IRAG2: variants seen among roughly 807,000 people sequenced by gnomAD.
IRAG2 encodes the protein lymphoid restricted membrane protein.
A neutral mutation model predicts 69.9 loss-of-function variants in IRAG2; 45 were observed. That is an observed-to-expected ratio of 0.64 (90% confidence interval 0.51 to 0.83). The LOEUF (loss-of-function observed/expected upper bound fraction) is 0.83. Ranked by LOEUF, IRAG2 falls within the 40% of genes least tolerant of loss-of-function variation. The pLI is 0.00. For missense variants in IRAG2, 520 were observed against 587.0 expected (o/e 0.89, Z 1.18); for synonymous variants, 193 against 202.4 (o/e 0.95, Z 0.40).
exon 3 of IRAG2, chr12:25,011,469 C>G: frequency 8.1e-7 from 1 of 1,231,598 alleles, no homozygotes; most frequent in South Asian, 4.1e-5. Context: ...CATGCTTGAT[C>G]CTGAGAAGAG....
rs1555138400 is a variant in IRAG2 at position 25,075,521 on chromosome 12, C to CGTGCGTGTGT, written c.25-3720_25-3719insCGTGTGTGTG. 3.6e-5 allele frequency among the ~76,000 whole-genome samples: 5 copies of CGTGCGTGTGT among 139,372 alleles called. No homozygotes were observed. In the East Asian group the frequency reaches 8.7e-4, roughly 24 times the overall value. The allele number at this position is 139,372 out of a possible 152,430, so 91.4% of individuals were successfully genotyped here. ...AATAATATTGCTGTGTGTGTGTATG[C>CGTGCGTGTGT]GTGTGTGTGTGTGTGTGTGTGTGTG... On this transcript the variant is annotated intron_variant, in intron 6 of 21. Coordinates refer to ENST00000556887, the MANE Select transcript of IRAG2 (RefSeq NM_001366544.2).
chr12:25,035,386 T>C (rs1159616505), intron 13 of IRAG2: 1 of 274,730 alleles, frequency 3.6e-6, no homozygotes, highest in South Asian at 1.7e-4. Context: ...ATGTTAAAAT[T>C]AGAGCCATAA....
intron 10 of IRAG2, among the ~76,000 whole-genome samples, chr12:25,086,459 A>G (rs1318142775): frequency 2.0e-5 from 3 of 152,212 alleles, no homozygotes; most frequent in Non-Finnish European, 4.4e-5. Flanking sequence ...GATTTTATAT[A>G]CGGCTGCATA....
At chr12:25,056,820 T>G (rs1945283220) in intron 1 of IRAG2, among the ~76,000 whole-genome samples, 1 of 152,214 alleles carries the variant, frequency 6.6e-6, no homozygotes, top group Admixed American at 6.5e-5. Context: ...TTAGCTTGGC[T>G]GCTGAACAGG....
chr12:25,009,625 G>A lies in IRAG2; in HGVS notation c.689-1719G>A, dbSNP rs1340687226. On this transcript the variant is annotated intron_variant, in intron 2 of 38. Transcript: ENST00000636465. Reference sequence around the variant, plus strand: ...AATTGGGTCATGCGATCATGGAGGCGGGCAAGTCCCAAGATCTGCAGGATG... The same window carrying A: ...AATTGGGTCATGCGATCATGGAGGCAGGCAAGTCCCAAGATCTGCAGGATG... Among the ~76,000 whole-genome samples, 3 of 152,286 alleles carry A rather than the reference G, an allele frequency of 2.0e-5. No individual in the cohort carries two copies. The East Asian group carries it at 5.8e-4, about 29-fold the overall frequency.
At chr12:25,012,626 G>A (rs1306352974) in intron 3 of IRAG2, among the ~76,000 whole-genome samples, 4 of 152,134 alleles carry the variant, frequency 2.6e-5, no homozygotes, top group African/African-American at 9.6e-5. Context: ...TTGGCAGTTG[G>A]AGACCAGCCA....
At chr12:25,068,798 C>T (rs190328564) in intron 5 of IRAG2, among the ~76,000 whole-genome samples, 2 of 152,156 alleles carry the variant, frequency 1.3e-5, no homozygotes, top group Non-Finnish European at 2.9e-5. Context: ...TCCCCTAGCA[C>T]CTCTGTCTAC....
chr12:25,092,057 G>A (rs1296036732), intron 14 of IRAG2, among the ~76,000 whole-genome samples: 1 of 152,134 alleles, frequency 6.6e-6, no homozygotes, highest in Non-Finnish European at 1.5e-5. Context: ...CCTGAGGTCA[G>A]GAGTTTGAGA....
chr12:25,083,100 G>A (rs887172532), intron 9 of IRAG2, among the ~76,000 whole-genome samples: 6 of 151,644 alleles, frequency 4.0e-5, no homozygotes, highest in East Asian at 1.9e-4. Flanking sequence ...TCATCCTTCC[G>A]CCCTCCACTT....
At chr12:25,031,991 C>T (rs543254428) in intron 10 of IRAG2, among the ~76,000 whole-genome samples, 24 of 152,170 alleles carry the variant, frequency 1.6e-4, no homozygotes, top group African/African-American at 5.1e-4. Flanking sequence ...CGCAAAACAC[C>T]GACTGGTTCA....
intron 6 of IRAG2, among the ~76,000 whole-genome samples, chr12:25,072,859 C>T (rs546520286): frequency 3.9e-5 from 6 of 152,376 alleles, no homozygotes; most frequent in Admixed American, 1.3e-4. Flanking sequence ...GAATATATCA[C>T]GCAAACGTGT....
chr12:25,068,025 G>A (rs1370980832), intron 5 of IRAG2, among the ~76,000 whole-genome samples: 1 of 152,078 alleles, frequency 6.6e-6, no homozygotes. Flanking sequence ...ATTTTTAGTA[G>A]AGACAAGGTT....
intron 7 of IRAG2, among the ~76,000 whole-genome samples, chr12:25,022,083 G>A (rs1048809323): frequency 6.6e-6 from 1 of 152,162 alleles, no homozygotes; most frequent in Non-Finnish European, 1.5e-5. Flanking sequence ...GTCACTCTAA[G>A]CCCGTGGGTC....
upstream of IRAG2, among the ~76,000 whole-genome samples, chr12:25,002,264 G>A (rs1826303745): frequency 6.6e-6 from 1 of 152,192 alleles, no homozygotes; most frequent in African/African-American, 2.4e-5. Context: ...CAGAAAAGGT[G>A]ATCCTGAAAA....
In IRAG2 at chr12:25,011,456, G is replaced by A. The variant is rs1261345906; in HGVS notation, c.801G>A (p.Trp267Ter). The change falls in exon 3 of 39, where the codon TGG (tryptophan) becomes TGA (stop). Residue 267 changes from tryptophan (W) to a stop codon, truncating the protein, a stop_gained. Transcript: ENST00000636465. LOFTEE classifies it high-confidence loss of function. ...AAGACAGTGGCCTTGAGCAGTTGTG[G>A]AACATGCTTGATCCTGAGAAGAGAG... is the stretch of plus-strand genomic sequence containing the variant. The A allele has an allele frequency of 6.5e-6, 8 of 1,231,668 alleles. No individual in the cohort carries two copies. The highest frequency in any genetic ancestry group is 4.1e-5 in the South Asian group (1 of 24,306). 76.3% of individuals were successfully genotyped at this position (1,231,668 alleles called of 1,614,324 possible). A position where few individuals can be genotyped will look rare whatever the true frequency, so the allele number is the denominator to read the frequency against.
chr12:25,016,104 G>A (rs1448028440), intron 5 of IRAG2, among the ~76,000 whole-genome samples: 1 of 151,818 alleles, frequency 6.6e-6, no homozygotes, highest in Non-Finnish European at 1.5e-5. Context: ...GCTGAGACAC[G>A]AGAATGGCTT....
chr12:25,016,259 C>G (rs1204864303), intron 5 of IRAG2, among the ~76,000 whole-genome samples: 2 of 151,084 alleles, frequency 1.3e-5, no homozygotes, highest in Non-Finnish European at 2.9e-5. Flanking sequence ...GATAAGATAG[C>G]AAAAAAGAAA....
intron 9 of IRAG2, among the ~76,000 whole-genome samples, chr12:25,029,751 G>C (rs921371718): frequency 2.0e-5 from 3 of 152,036 alleles, no homozygotes; most frequent in African/African-American, 2.4e-5. Context: ...TGTGATCGTA[G>C]CTCACTGCAC....
upstream of IRAG2, among the ~76,000 whole-genome samples, chr12:25,003,539 G>A (rs1196960975): frequency 6.6e-6 from 1 of 151,966 alleles, no homozygotes; most frequent in African/African-American, 2.4e-5. Context: ...ACTAGTTTAG[G>A]TAAAATTTTG....
Sources: gnomAD v4.1 joint callset for allele counts (sites outside exome capture counted in the v4.1 genomes callset) on GRCh38, gnomAD v4.1.1 for gene constraint, MANE v1.5 for transcripts, NCBI Gene and HGNC (gene_info 2026-07-23, HGNC 2026-07-21) for gene names.